The following FMR1 variants were observed in gnomAD, a reference collection of about 807,000 sequenced individuals.
The protein encoded by FMR1 is FMRP translational regulator 1.
FMR1 carries 13 observed loss-of-function variants against 50.6 expected under a neutral mutation model. That is an observed-to-expected ratio of 0.26 (90% CI 0.17 to 0.41). The LOEUF is 0.41. Ranked by LOEUF, FMR1 falls within the 10% of genes least tolerant of loss-of-function variation. The probability of loss-of-function intolerance (pLI) is 1.00; values close to 1 mark genes in which losing one functional copy is unlikely to be tolerated. For synonymous variants in FMR1, 138 were observed against 164.1 expected (o/e 0.84, Z 1.22); for missense variants, 316 against 491.3 (o/e 0.64, Z 3.37).
chrX:147,945,188 C>A, intron 15 of FMR1, 137 bp downstream of exon 15: 2 of 937,602 alleles, frequency 2.1e-6, no homozygotes, highest in Non-Finnish European at 3.0e-6. Flanking sequence ...AGGAAAGGAT[C>A]AGCCTTCCAC....
At chrX:147,942,222 A>G (rs928835499) in intron 13 of FMR1, among the ~76,000 whole-genome samples, 6 of 112,263 alleles carry the variant, frequency 5.3e-5, no homozygotes, top group Admixed American at 4.7e-4. Flanking sequence ...GTTCATGTAG[A>G]CAGTCTCTAT....
In FMR1 at chrX:147,943,115, T is replaced by C. The variant is rs1386214353; in HGVS notation, c.1276-16T>C. ...TGTCAAATTATTTTTACTGTTATCT[T>C]GTATATTTTAAATAGGAAGTAGACC... is the stretch of plus-strand genomic sequence containing the variant. On this transcript the variant is annotated splice_polypyrimidine_tract_variant and intron_variant, in intron 13 of 16. Coordinates refer to ENST00000370475, the MANE Select transcript of FMR1 (RefSeq NM_002024.6). 8.6e-7 allele frequency: 1 copy of C among 1,166,400 alleles called. No homozygotes were observed. Among genetic ancestry groups the C allele is most frequent in the Non-Finnish European group, 1.2e-6 (1 of 855,655 alleles).
chrX:147,912,572 G>A (rs181114623), intron 1 of FMR1, among the ~76,000 whole-genome samples: 2 of 113,036 alleles, frequency 1.8e-5, no homozygotes, highest in Admixed American at 9.2e-5. Flanking sequence ...AAGTGACGGC[G>A]ATGGCTTATT....
At chrX:147,934,274 G>A (rs1294146958) in intron 9 of FMR1, among the ~76,000 whole-genome samples, 1 of 109,440 alleles carries the variant, frequency 9.1e-6, no homozygotes, top group Non-Finnish European at 1.9e-5. Flanking sequence ...TTTTGAAGAT[G>A]GCATGATGGT....
rs868960304 is a variant in FMR1, at chrX:147,938,007, T to C, written c.1126-92T>C. The C allele has an allele frequency of 3.8e-5, 27 of 707,176 alleles. No homozygotes were observed. The South Asian group carries it at 5.5e-4, about 14-fold the overall frequency. The allele number at this position is 707,176 out of a possible 1,213,427, so 58.3% of individuals were successfully genotyped here. On this transcript the variant is annotated intron_variant, in intron 11 of 16. Coordinates refer to ENST00000370475, the MANE Select transcript of FMR1 (RefSeq NM_002024.6). The stretch of plus-strand genomic sequence containing the variant: ...GAACTAATCTGTTTAGAAATGGGTT[T>C]AAAAGTCCTGCAGTGAAAGTCCTGC...
Position 147,922,005 on chromosome X carries a change from A to C in FMR1, c.104+20A>C, listed in dbSNP as rs2124472231. 5 of 929,513 alleles carry C rather than the reference A, an allele frequency of 5.4e-6. No individual in the cohort carries two copies. The East Asian group carries it at 1.5e-4, about 29-fold the overall frequency. 76.6% of individuals were successfully genotyped at this position (929,513 alleles called of 1,213,427 possible). On this transcript the variant is annotated intron_variant, in intron 2 of 16. Coordinates refer to ENST00000370475, the MANE Select transcript of FMR1 (RefSeq NM_002024.6). ...AAACAAGTAAGTGTCTCGTTATATAATTTTAATGATGAGGTTCTTTAATAT... is the reference window on the plus strand; with the variant it reads ...AAACAAGTAAGTGTCTCGTTATATACTTTTAATGATGAGGTTCTTTAATAT...
At chrX:147,925,020 A>G (rs1427448725) in intron 2 of FMR1, 1 of 130,172 alleles carries the variant, frequency 7.7e-6, no homozygotes, top group African/African-American at 3.3e-5. Context: ...GCAAGAATTG[A>G]CCACCTCGTG....
chrX:147,917,731 C>G (rs1452439954), intron 1 of FMR1, among the ~76,000 whole-genome samples: 1 of 111,683 alleles, frequency 9.0e-6, no homozygotes, highest in Non-Finnish European at 1.9e-5. Flanking sequence ...TTTAGTGCCA[C>G]CTATGTGTGT....
Position 147,930,016 on chromosome X carries a change from C to T in FMR1, c.488C>T (p.Pro163Leu). The T allele has an allele frequency of 1.7e-6, 2 of 1,204,847 alleles. No homozygotes were observed. Among genetic ancestry groups the T allele is most frequent in the Non-Finnish European group, 1.1e-6 (1 of 889,737 alleles). ...GGTGCCTTTTCTGTAACTTATGATC[C>T]AGAAAATTATCAGCTTGTCATTTTG... The part of the protein sequence containing the change: ...AVGAFSVTYD[P>L]ENYQLVILSI... Residue 163 changes from proline to leucine, a missense_variant, in exon 6 of 17, where the codon CCA becomes CTA. Physicochemically the swap from Pro to Leu is moderately conservative, Grantham distance 98. Around this residue, in one of 4 missense-constraint regions of FMR1, gnomAD observed 124 missense variants for 238.1 expected, o/e 0.52. Transcript: ENST00000370475.
intron 3 of FMR1, among the ~76,000 whole-genome samples, chrX:147,926,293 C>T (rs1373534361): frequency 9.0e-6 from 1 of 111,566 alleles, no homozygotes; most frequent in Non-Finnish European, 1.9e-5. Flanking sequence ...GTGGTATCTT[C>T]TCTCCTTTGT....
At chrX:147,926,180 A>G (rs1557177515) in intron 3 of FMR1, among the ~76,000 whole-genome samples, 1 of 111,951 alleles carries the variant, frequency 8.9e-6, no homozygotes, top group Non-Finnish European at 1.9e-5. Context: ...AAAATGTGCT[A>G]TGGAGATCTA....
chrX:147,933,146 AT>A (rs782328470), intron 9 of FMR1, among the ~76,000 whole-genome samples: 18 of 105,807 alleles, frequency 1.7e-4, no homozygotes, highest in Non-Finnish European at 2.9e-4. Flanking sequence ...ATACAAAAAA[AT>A]ATTTGTTAAG....
intron 15 of FMR1, 123 bp downstream of exon 15, chrX:147,945,174 C>A: frequency 9.6e-7 from 1 of 1,038,572 alleles, no homozygotes; most frequent in Non-Finnish European, 1.3e-6. Context: ...TGTGCTGATA[C>A]CATAGGAAAG....
intron 3 of FMR1, 199 bp from the exon 4 acceptor site, chrX:147,928,123 A>G: frequency 2.6e-6 from 1 of 389,250 alleles, no homozygotes; most frequent in Non-Finnish European, 4.5e-6. Flanking sequence ...CTTCAAAGCA[A>G]TCTCAGGTAG....
At chrX:147,922,193 G>A (rs1557176641) in intron 2 of FMR1, among the ~76,000 whole-genome samples, 2 of 111,764 alleles carry the variant, frequency 1.8e-5, no homozygotes, top group African/African-American at 6.5e-5. Context: ...CTTATTGTAT[G>A]GTATTGATCC....
intron 1 of FMR1, among the ~76,000 whole-genome samples, chrX:147,915,027 G>T (rs782793772): frequency 2.7e-5 from 3 of 111,876 alleles, no homozygotes; most frequent in Non-Finnish European, 5.7e-5. Flanking sequence ...AAAATCACAT[G>T]TTGGAGACAT....
chrX:147,912,757 TG>T, intron 1 of FMR1: 2 of 297,796 alleles, frequency 6.7e-6, no homozygotes, highest in Admixed American at 1.2e-4. Flanking sequence ...TCCACTGTTC[TG>T]GGCGAGGGCT....
chrX:147,944,829 TA>T (rs2044121897), intron 14 of FMR1, 39 bp from the exon 15 acceptor site: 4 of 1,164,405 alleles, frequency 3.4e-6, no homozygotes, highest in Non-Finnish European at 3.4e-6. Context: ...TTTTTTTTTT[TA>T]AAGTCAGACA....
rs782222992 is a variant in FMR1 at position 147,943,209 on chromosome X, C to T, written c.1354C>T (p.Pro452Ser). Residue 452 changes from proline (P) to serine (S), a missense_variant, in exon 14 of 17, where the codon CCA becomes TCA. Coordinates refer to ENST00000370475, the MANE Select transcript of FMR1 (RefSeq NM_002024.6). Reference sequence around the variant, plus strand: ...GATTGGAGCTAGTTCTAGACCACCACCAAATCGTACAGATAAGGAAAAAAG... The same window carrying T: ...GATTGGAGCTAGTTCTAGACCACCATCAAATCGTACAGATAAGGAAAAAAG... ...RQIGASSRPP[P>S]NRTDKEKSYV... 2.5e-6 allele frequency: 3 copies of T among 1,208,131 alleles called. No homozygotes were observed. Among genetic ancestry groups the T allele is most frequent in the African/African-American group, 3.5e-5 (2 of 56,976 alleles).
Sources: allele counts gnomAD v4.1 joint callset (sites outside exome capture counted in the v4.1 genomes callset), GRCh38; gene constraint gnomAD v4.1.1; regional missense constraint gnomAD v4.1.1; transcripts MANE v1.5; gene names NCBI Gene and HGNC (gene_info 2026-07-23, HGNC 2026-07-21).